The following DISC1 variants were observed in gnomAD, a reference collection of about 807,000 sequenced individuals.
DISC1 encodes the protein disrupted in schizophrenia 1 protein.
DISC1 carries 57 observed loss-of-function variants against 84.5 expected under a neutral mutation model. The observed-to-expected ratio is 0.67, with a 90% CI of 0.55 to 0.84. The LOEUF is 0.84. DISC1 is among the 40% of genes least tolerant of loss of function. The probability of loss-of-function intolerance (pLI) is 0.00; values close to 1 mark genes in which losing one functional copy is unlikely to be tolerated. For synonymous variants in DISC1, 411 were observed against 415.2 expected, an observed-to-expected ratio of 0.99 and a Z score of 0.12; for missense variants, 1,000 against 1,057.8, an observed-to-expected ratio of 0.95 and a Z score of 0.76.
chr1:231,833,629 G>A (rs958740668), intron 9 of DISC1, among the ~76,000 whole-genome samples: 25 of 152,150 alleles, frequency 1.6e-4, no homozygotes, highest in Admixed American at 4.6e-4. Context: ...ATCCTGGGCT[G>A]CGGGCATTCC....
chr1:231,762,786 C>T (rs1322285474), intron 4 of DISC1, among the ~76,000 whole-genome samples: 1 of 152,132 alleles, frequency 6.6e-6, no homozygotes, highest in African/African-American at 2.4e-5. Context: ...CCCCAAACAG[C>T]CCCAGTGTGA....
At chr1:231,944,501 A>G (rs923063502) in intron 9 of DISC1, among the ~76,000 whole-genome samples, 1 of 152,174 alleles carries the variant, frequency 6.6e-6, no homozygotes, top group Non-Finnish European at 1.5e-5. Context: ...TTTGTCAGAT[A>G]TGCTTTGCAG....
chr1:231,824,326 A>T lies in DISC1; in HGVS notation c.1981+5809A>T, dbSNP rs182809859. On this transcript the variant is annotated intron_variant, in intron 9 of 12. Transcript: ENST00000439617. ...TCGAAATCTTTGGTCATTTAGATTT[A>T]AAAAAAAATGTCAAATAGGATCTTT... 1.4e-3 allele frequency among the ~76,000 whole-genome samples: 219 copies of T among 151,602 alleles called. 3 individuals are homozygous for T. Among genetic ancestry groups the T allele is most frequent in the East Asian group, 5.8e-4 (3 of 5,186 alleles).
chr1:231,860,271 C>T (rs1055676913), intron 9 of DISC1, among the ~76,000 whole-genome samples: 1 of 152,144 alleles, frequency 6.6e-6, no homozygotes, highest in African/African-American at 2.4e-5. Flanking sequence ...ACACATTCAA[C>T]ATAATAATGC....
chr1:231,725,183 T>C (rs781561080), intron 3 of DISC1, among the ~76,000 whole-genome samples: 11 of 152,170 alleles, frequency 7.2e-5, no homozygotes, highest in Non-Finnish European at 1.2e-4. Context: ...CAAGTCCCTC[T>C]TGATGATCAG....
At chr1:231,671,970 A>G (rs1457591418) in intron 1 of DISC1, among the ~76,000 whole-genome samples, 1 of 152,218 alleles carries the variant, frequency 6.6e-6, no homozygotes, top group Non-Finnish European at 1.5e-5. Flanking sequence ...CAATTTCTCA[A>G]TCACTTTGCT....
chr1:231,793,567 C>T (rs780830155), intron 6 of DISC1, among the ~76,000 whole-genome samples: 9 of 152,186 alleles, frequency 5.9e-5, no homozygotes, highest in Non-Finnish European at 1.2e-4. Context: ...CTGCGGGGCC[C>T]ATGGACCCCA....
At chr1:231,829,288 A>G (rs1361500142) in intron 9 of DISC1, among the ~76,000 whole-genome samples, 1 of 152,250 alleles carries the variant, frequency 6.6e-6, no homozygotes, top group Non-Finnish European at 1.5e-5. Context: ...GATTATTAGT[A>G]TAATAACAGA....
chr1:231,651,744 C>T (rs1474240269), intron 1 of DISC1, among the ~76,000 whole-genome samples: 2 of 152,248 alleles, frequency 1.3e-5, no homozygotes, highest in African/African-American at 4.8e-5. Context: ...GGGCTCCGCC[C>T]AGTTCAAGCT....
In DISC1 at chr1:231,652,968, C is replaced by T. The variant is rs186576387; in HGVS notation, c.67+26034C>T. Among the ~76,000 whole-genome samples the T allele has an allele frequency of 6.6e-4, 101 of 152,138 alleles. 1 individual carries two copies. The highest frequency in any genetic ancestry group is 2.3e-3 in the African/African-American group (94 of 41,524). ...CTAATTTTTGTATTTTTAATAGAGACGGGGTTTCACCATGTTGGCCAGGCT... is the reference window on the plus strand; with the variant it reads ...CTAATTTTTGTATTTTTAATAGAGATGGGGTTTCACCATGTTGGCCAGGCT... On this transcript the variant is annotated intron_variant, in intron 1 of 12. Transcript: ENST00000439617.
rs192949789 is a variant in DISC1, at chr1:231,785,312, C to T, written c.1635-9930C>T. On this transcript the variant is annotated intron_variant, in intron 6 of 12. Transcript: ENST00000439617. The stretch of plus-strand genomic sequence containing the variant: ...TTATTTATTTAGAGACAAAGTCTTG[C>T]TTTGTCACCCAGGCTGGAGTGCAGT... 7.0e-3 allele frequency among the ~76,000 whole-genome samples: 1,061 copies of T among 150,796 alleles called. 11 individuals are homozygous for T. Among genetic ancestry groups the T allele is most frequent in the African/African-American group, 0.022 (904 of 41,036 alleles).
chr1:231,862,647 G>C (rs1009970725), intron 9 of DISC1, among the ~76,000 whole-genome samples: 1 of 152,280 alleles, frequency 6.6e-6, no homozygotes, highest in East Asian at 1.9e-4. Flanking sequence ...CACTTAGAGA[G>C]GATTTAAGTG....
chr1:232,008,953 C>A lies in DISC1; in HGVS notation c.2211C>A (p.His737Gln). The change falls in exon 11 of 13, where the codon CAC becomes CAA. Residue 737 changes from histidine to glutamine, a missense_variant. Transcript: ENST00000439617. The stretch of plus-strand genomic sequence containing the variant: ...CTCCTCCTATTCCCCCCAGGCTCCA[C>A]TCCGAGGATAAAAGGAAGACCCCTT... ...GAAPPIPPRL[H>Q]SEDKRKTPLK... is the part of the protein sequence containing the mutation. The A allele has an allele frequency of 6.2e-7, 1 of 1,613,890 alleles. No homozygotes were observed. Among genetic ancestry groups the A allele is most frequent in the Non-Finnish European group, 8.5e-7 (1 of 1,179,868 alleles).
At position 231,708,512 on chromosome 1, in the gene DISC1, G is replaced by A. The variant is rs548495282; in HGVS notation, c.1117+6488G>A. 2.0e-5 allele frequency among the ~76,000 whole-genome samples: 3 copies of A among 152,352 alleles called. No individual in the cohort carries two copies. The South Asian group carries it at 6.2e-4, about 32-fold the overall frequency. ...ATTTCTTGAGATCTCTGCTCTCTGG[G>A]TGGCTGCATACGACCCCCTTTGCAG... is the stretch of plus-strand genomic sequence containing the variant. On this transcript the variant is annotated intron_variant, in intron 3 of 12. Transcript: ENST00000439617.
chr1:231,951,892 C>G (rs1658438198), intron 9 of DISC1, among the ~76,000 whole-genome samples: 2 of 151,392 alleles, frequency 1.3e-5, no homozygotes, highest in African/African-American at 2.4e-5. Context: ...AAAGTGAACC[C>G]TCATCTCTAC....
intron 4 of DISC1, among the ~76,000 whole-genome samples, chr1:231,758,121 A>G (rs1332082248): frequency 6.6e-6 from 1 of 151,740 alleles, no homozygotes; most frequent in Admixed American, 6.6e-5. Context: ...CTTTTGGCCA[A>G]TGGGTTCCAT....
intron 1 of DISC1, among the ~76,000 whole-genome samples, chr1:231,668,992 A>G (rs185562816): frequency 1.3e-5 from 2 of 152,084 alleles, no homozygotes; most frequent in East Asian, 3.9e-4. Flanking sequence ...CATGTTCCTT[A>G]TTTGATGTTC....
intron 8 of DISC1, among the ~76,000 whole-genome samples, chr1:231,801,667 A>G (rs2759351): frequency 0.99 from 150,448 of 152,302 alleles, 74,322 homozygotes; most frequent in East Asian, 1. Flanking sequence ...CTGTCCCCAT[A>G]GGTGATACTA....
chr1:231,838,624 T>C (rs958043632), intron 9 of DISC1, among the ~76,000 whole-genome samples: 3 of 152,242 alleles, frequency 2.0e-5, no homozygotes, highest in Non-Finnish European at 4.4e-5. Flanking sequence ...GTCCCTGTCG[T>C]CATCTTGCAT....
Sources: gnomAD v4.1 joint callset for allele counts (sites outside exome capture counted in the v4.1 genomes callset) on GRCh38, gnomAD v4.1.1 for gene constraint, MANE v1.5 for transcripts, NCBI Gene and HGNC (gene_info 2026-07-23, HGNC 2026-07-21) for gene names.